Variants in KLHL32 observed in about 807,000 individuals in gnomAD.
The protein encoded by KLHL32 is kelch-like protein 32.
KLHL32 carries 35 observed loss-of-function variants against 64.8 expected under a neutral mutation model. That is an observed-to-expected ratio of 0.54 (90% CI 0.41 to 0.72). The LOEUF is 0.72. KLHL32 is among the 30% of genes least tolerant of loss of function. The pLI is 0.00. For synonymous variants in KLHL32, 259 were observed against 281.0 expected, an observed-to-expected ratio of 0.92 and a Z score of 0.78; for missense variants, 589 against 768.5, an observed-to-expected ratio of 0.77 and a Z score of 2.76.
chr6:97,067,242 C>A (rs948584667), intron 5 of KLHL32, among the ~76,000 whole-genome samples: 1 of 152,174 alleles, frequency 6.6e-6, no homozygotes, highest in African/African-American at 2.4e-5. Context: ...GAAAGGGATA[C>A]CTGGCACTGT....
At chr6:97,048,128 A>G (rs1786220217) in intron 4 of KLHL32, among the ~76,000 whole-genome samples, 1 of 152,164 alleles carries the variant, frequency 6.6e-6, no homozygotes, top group African/African-American at 2.4e-5. Context: ...AGACTGATGA[A>G]GAGGTTCCAG....
At chr6:97,119,912 A>T (rs1437695990) in intron 7 of KLHL32, among the ~76,000 whole-genome samples, 1 of 152,162 alleles carries the variant, frequency 6.6e-6, no homozygotes, top group Non-Finnish European at 1.5e-5. Context: ...GTTGGTTGAG[A>T]AAAGGAAGCA....
chr6:97,004,181 A>G (rs935069539), intron 3 of KLHL32, among the ~76,000 whole-genome samples: 2 of 152,092 alleles, frequency 1.3e-5, no homozygotes, highest in African/African-American at 4.8e-5. Flanking sequence ...AATCTTGTAG[A>G]GATCTTTCAC....
intron 3 of KLHL32, among the ~76,000 whole-genome samples, chr6:97,002,315 C>G (rs971956959): frequency 2.0e-5 from 3 of 152,164 alleles, no homozygotes; most frequent in Non-Finnish European, 4.4e-5. Flanking sequence ...CTCATTCTAC[C>G]AATTCCTTGA....
upstream of KLHL32, among the ~76,000 whole-genome samples, chr6:96,921,907 G>T (rs1016461068): frequency 1.3e-5 from 2 of 152,168 alleles, no homozygotes; most frequent in Non-Finnish European, 2.9e-5. Flanking sequence ...TGTGTTCCAA[G>T]ATGCTTATCA....
chr6:97,105,576 T>G, intron 6 of KLHL32: 1 of 467,084 alleles, frequency 2.1e-6, no homozygotes, highest in Non-Finnish European at 4.4e-6. Context: ...AGAGAAGGGC[T>G]CCGTGTGCAC....
chr6:97,098,338 G>A (rs1006080416), intron 6 of KLHL32, among the ~76,000 whole-genome samples: 10 of 152,008 alleles, frequency 6.6e-5, no homozygotes, highest in Admixed American at 2.0e-4. Flanking sequence ...AGCTAGAATC[G>A]TTTTGCCTTT....
In KLHL32 at chr6:96,976,172, T is replaced by G; in HGVS notation, c.199T>G (p.Phe67Val). The G allele has an allele frequency of 1.3e-6, 2 of 1,556,292 alleles. No individual in the cohort carries two copies. The highest frequency in any genetic ancestry group is 1.7e-6 in the Non-Finnish European group (2 of 1,143,986). ...KAVLAACSDY[F>V]RAMFSLCMVE... ...AGTCCTAGCAGCATGCAGTGACTAT[T>G]TCCGGGTAAGTCAGCATTGTTTGTT... Residue 67 changes from phenylalanine (F) to valine (V), a missense_variant, in exon 3 of 11, where the codon TTC (phenylalanine) becomes GTC (valine). Physicochemically the swap from Phe to Val is conservative, Grantham distance 50. This residue lies in a region of KLHL32 where 191 missense variants were observed against 223.3 expected (regional missense o/e 0.86). Transcript: ENST00000369261.
intron 1 of KLHL32, among the ~76,000 whole-genome samples, chr6:96,962,538 A>G (rs1432952932): frequency 6.6e-6 from 1 of 152,208 alleles, no homozygotes; most frequent in African/African-American, 2.4e-5. Context: ...CATTCTTGGT[A>G]TTAAAAACAC....
chr6:96,908,885 G>A, the KLHL32 span, among the ~76,000 whole-genome samples: 6 of 151,978 alleles, frequency 3.9e-5, no homozygotes, highest in East Asian at 1.9e-4. Context: ...CCAAAGCTTC[G>A]TACTTGTGCC....
chr6:96,918,588 A>G, the KLHL32 span, among the ~76,000 whole-genome samples: 10 of 152,328 alleles, frequency 6.6e-5, no homozygotes, highest in African/African-American at 2.2e-4. Context: ...TTGATCCCAC[A>G]CAAAGTTCTA....
chr6:97,077,174 T>C (rs1308249058), intron 5 of KLHL32, among the ~76,000 whole-genome samples: 1 of 152,190 alleles, frequency 6.6e-6, no homozygotes, highest in Non-Finnish European at 1.5e-5. Context: ...TGGAGTGGCC[T>C]GCCTTTCCCT....
intron 1 of KLHL32, among the ~76,000 whole-genome samples, chr6:96,929,669 C>T (rs1351335503): frequency 6.6e-6 from 1 of 152,144 alleles, no homozygotes; most frequent in African/African-American, 2.4e-5. Context: ...CAACTTTCTT[C>T]ATATTTCTTT....
intron 7 of KLHL32, among the ~76,000 whole-genome samples, chr6:97,123,162 T>C (rs1045306659): frequency 7.2e-5 from 11 of 152,236 alleles, no homozygotes; most frequent in Non-Finnish European, 1.5e-4. Flanking sequence ...TGACCCAGTC[T>C]GACCATGTAC....
chr6:97,124,434 G>A (rs962544966), intron 7 of KLHL32, among the ~76,000 whole-genome samples: 1 of 152,172 alleles, frequency 6.6e-6, no homozygotes, highest in Non-Finnish European at 1.5e-5. Flanking sequence ...AGATGCATTT[G>A]TGGAAGACAG....
chr6:96,935,404 T>C (rs542915974), intron 1 of KLHL32, among the ~76,000 whole-genome samples: 50 of 152,238 alleles, frequency 3.3e-4, no homozygotes, highest in Non-Finnish European at 6.3e-4. Context: ...AGTTACCTTT[T>C]CCCCCCATAA....
At chr6:97,107,075 G>A (rs1430016768) in intron 6 of KLHL32, among the ~76,000 whole-genome samples, 2 of 152,152 alleles carry the variant, frequency 1.3e-5, no homozygotes, top group African/African-American at 4.8e-5. Flanking sequence ...GGCGGATCAC[G>A]AGGTCAGGAG....
the KLHL32 span, among the ~76,000 whole-genome samples, chr6:96,908,456 C>T: frequency 6.6e-6 from 1 of 152,198 alleles, no homozygotes. Context: ...TAACAGGGTT[C>T]TGCCACATGC....
At chr6:96,967,374 G>A (rs1774571296) in intron 2 of KLHL32, among the ~76,000 whole-genome samples, 1 of 151,458 alleles carries the variant, frequency 6.6e-6, no homozygotes, top group Non-Finnish European at 1.5e-5. Flanking sequence ...TAGTATAAAG[G>A]TATATCACAT....
Sources: gnomAD v4.1 joint callset for allele counts (sites outside exome capture counted in the v4.1 genomes callset) on GRCh38, gnomAD v4.1.1 for gene constraint, gnomAD v4.1.1 regional missense constraint, MANE v1.5 for transcripts, NCBI Gene and HGNC (gene_info 2026-07-23, HGNC 2026-07-21) for gene names.